VPS8: variants seen among roughly 807,000 people sequenced by gnomAD.
The protein encoded by VPS8 is vacuolar protein sorting-associated protein 8 homolog.
Under a neutral mutation model 216.4 loss-of-function variants are expected in VPS8, and 129 were observed. The ratio of observed to expected loss-of-function variants is 0.60; its 90% confidence interval spans 0.52 to 0.69. The LOEUF (loss-of-function observed/expected upper bound fraction) is 0.69. Ranked by LOEUF, VPS8 falls within the 30% of genes least tolerant of loss-of-function variation. The pLI, the probability that VPS8 is intolerant of heterozygous loss-of-function variation, is 0.00. For missense variants in VPS8, 1,531 were observed against 1,683.5 expected, an observed-to-expected ratio of 0.91 and a Z score of 1.59; for synonymous variants, 571 against 565.4, an observed-to-expected ratio of 1.01 and a Z score of -0.14.
At chr3:185,006,140 G>A (rs1754216350) in intron 45 of VPS8, among the ~76,000 whole-genome samples, 1 of 152,172 alleles carries the variant, frequency 6.6e-6, no homozygotes, top group African/African-American at 2.4e-5. Flanking sequence ...AAGACAGAAT[G>A]AGAACTATTT....
At chr3:184,894,617 G>A (rs1218528373) in intron 22 of VPS8, 86 bp from the exon 23 acceptor site, 4 of 1,052,258 alleles carry the variant, frequency 3.8e-6, no homozygotes, top group African/African-American at 1.6e-5. Flanking sequence ...TTGAAGTAGG[G>A]AAAAGATGAG....
At chr3:184,983,187 T>A in intron 42 of VPS8, 93 bp downstream of exon 42, 4 of 1,137,166 alleles carry the variant, frequency 3.5e-6, no homozygotes, top group Non-Finnish European at 4.8e-6. Flanking sequence ...TTTAAATGGA[T>A]CTCAAGCATA....
At chr3:184,920,252 G>A (rs1417964938) in intron 29 of VPS8, 54 bp downstream of exon 29, 3 of 1,232,480 alleles carry the variant, frequency 2.4e-6, no homozygotes, top group Non-Finnish European at 3.3e-6. Context: ...TAAGATAGTT[G>A]AGCTGTTTTA....
chr3:185,020,563 C>T (rs1057393471), intron 45 of VPS8, among the ~76,000 whole-genome samples: 8 of 151,898 alleles, frequency 5.3e-5, no homozygotes, highest in Admixed American at 1.3e-4. Flanking sequence ...CTGGACCTCC[C>T]GGGCTCAAGC....
chr3:184,830,341 T>G (rs1560290573), intron 3 of VPS8, among the ~76,000 whole-genome samples: 1 of 152,208 alleles, frequency 6.6e-6, no homozygotes, highest in Non-Finnish European at 1.5e-5. Flanking sequence ...ATAATAGGTC[T>G]TGATATCTGG....
intron 36 of VPS8, among the ~76,000 whole-genome samples, chr3:184,952,540 C>CCCTT (rs1560835983): frequency 2.0e-5 from 3 of 151,644 alleles, no homozygotes; most frequent in African/African-American, 4.8e-5. Context: ...ATAAGCAGTT[C>CCCTT]AAGGGAGGGG....
chr3:184,966,498 C>T lies in VPS8; in HGVS notation c.3274-173C>T, dbSNP rs576391222. Among the ~76,000 whole-genome samples the T allele has an allele frequency of 3.9e-5, 6 of 152,294 alleles. No homozygotes were observed. In the East Asian group the frequency reaches 1.2e-3, roughly 29 times the overall value. ...GATCTTTGGGTCCCTTTTCATACTG[C>T]TAGCTGTACTTTCTATAAACAGAAG... On this transcript the variant is annotated intron_variant, in intron 38 of 47. Transcript: ENST00000625842.
chr3:184,941,725 C>G (rs1212479970), intron 36 of VPS8, among the ~76,000 whole-genome samples: 3 of 152,024 alleles, frequency 2.0e-5, no homozygotes, highest in Admixed American at 6.6e-5. Context: ...CCATACTTTT[C>G]CCAGTGTTAG....
intron 45 of VPS8, among the ~76,000 whole-genome samples, chr3:185,018,307 T>A (rs796675815): frequency 5.9e-5 from 9 of 152,370 alleles, no homozygotes; most frequent in African/African-American, 2.2e-4. Context: ...AAAATCTGCA[T>A]ACGGTTCTTT....
intron 16 of VPS8, among the ~76,000 whole-genome samples, chr3:184,864,643 G>A (rs1726997974): frequency 6.6e-6 from 1 of 152,134 alleles, no homozygotes; most frequent in African/African-American, 2.4e-5. Context: ...TGCCTCATTA[G>A]GACTAGAATA....
rs374179684 is a variant in VPS8 at position 185,051,884 on chromosome 3, C to G, written c.4146C>G (p.Leu1382=). 6.2e-7 allele frequency: 1 copy of G among 1,603,330 alleles called. No individual in the cohort carries two copies. Among genetic ancestry groups the G allele is most frequent in the African/African-American group, 1.3e-5 (1 of 74,614 alleles). Residue 1382 remains leucine, a synonymous_variant, in exon 48 of 48, where the codon CTC becomes CTG. Coordinates refer to ENST00000625842, the MANE Select transcript of VPS8 (RefSeq NM_001009921.3). ...GTGTCCTTCCTTTGCAGCTGGCTCT[C>G]CTCACGGAACTCTCCCAGAATCGCA... The part of the protein sequence containing the change: ...RLYRGSSRLA[L]LTELSQNRSS...
intron 28 of VPS8, among the ~76,000 whole-genome samples, chr3:184,919,761 CTGAA>C (rs1284987112): frequency 3.3e-5 from 5 of 152,120 alleles, no homozygotes; most frequent in African/African-American, 1.2e-4. Flanking sequence ...AAATAACAGA[CTGAA>C]TGATGGCTGA....
chr3:185,024,441 C>A (rs1204335015), intron 46 of VPS8, 52 bp downstream of exon 46: 11 of 1,504,934 alleles, frequency 7.3e-6, no homozygotes, highest in South Asian at 1.2e-5. Context: ...TATGTTTATT[C>A]TCCTATGTGG....
rs530894580 is a variant in VPS8, at chr3:184,942,804, G to T, written c.3035+2561G>T. Among the ~76,000 whole-genome samples the T allele has an allele frequency of 3.9e-4, 59 of 152,278 alleles. No homozygotes were observed. The South Asian group carries it at 0.011, about 29-fold the overall frequency. ...TTTTTATGTAAAGAACATTTTAAAT[G>T]ATAGTATCTCAAGCTAATCCATAAA... On this transcript the variant is annotated intron_variant, in intron 36 of 47. Transcript: ENST00000625842.
intron 23 of VPS8, among the ~76,000 whole-genome samples, chr3:184,895,404 A>G (rs992478753): frequency 7.2e-5 from 11 of 152,028 alleles, no homozygotes; most frequent in African/African-American, 2.7e-4. Flanking sequence ...AGCATGGTAT[A>G]TAACAGGCAA....
chr3:185,034,677 G>C (rs1412467582), intron 46 of VPS8, among the ~76,000 whole-genome samples: 1 of 151,598 alleles, frequency 6.6e-6, no homozygotes, highest in Admixed American at 6.6e-5. Flanking sequence ...TTTTGTTTTT[G>C]CTTTTGCTTT....
At chr3:185,016,242 T>C (rs1473625115) in intron 45 of VPS8, among the ~76,000 whole-genome samples, 2 of 152,230 alleles carry the variant, frequency 1.3e-5, no homozygotes, top group Non-Finnish European at 2.9e-5. Context: ...TGTCATTTAC[T>C]AAGGCCCCTA....
intron 1 of VPS8, among the ~76,000 whole-genome samples, chr3:184,814,466 G>A (rs1715876885): frequency 6.6e-6 from 1 of 152,214 alleles, no homozygotes; most frequent in Non-Finnish European, 1.5e-5. Flanking sequence ...AGATGGTGTA[G>A]TCTGCTACAC....
intron 39 of VPS8, among the ~76,000 whole-genome samples, chr3:184,970,490 A>G (rs1748229722): frequency 6.6e-6 from 1 of 152,186 alleles, no homozygotes; most frequent in South Asian, 2.1e-4. Context: ...TTTGTGGAAA[A>G]CCTTTGAAGA....
Sources: allele counts gnomAD v4.1 joint callset (sites outside exome capture counted in the v4.1 genomes callset), GRCh38; gene constraint gnomAD v4.1.1; transcripts MANE v1.5; gene names NCBI Gene and HGNC (gene_info 2026-07-23, HGNC 2026-07-21).